The following HYCC1 variants were observed in gnomAD, a reference collection of about 807,000 sequenced individuals.
The protein encoded by HYCC1 is hyccin.
the HYCC1 span, among the ~76,000 whole-genome samples, chr7:22,993,497 T>C: frequency 6.6e-6 from 1 of 152,132 alleles, no homozygotes; most frequent in African/African-American, 2.4e-5. Flanking sequence ...GCAATTCATA[T>C]ACATGGCAAA....
At chr7:22,973,262 T>C in the HYCC1 span, among the ~76,000 whole-genome samples, 11 of 152,208 alleles carry the variant, frequency 7.2e-5, no homozygotes, top group Non-Finnish European at 1.5e-4. Flanking sequence ...TTTCTTTCCA[T>C]AGATATGAAC....
At chr7:22,907,225 C>G in the HYCC1 span, among the ~76,000 whole-genome samples, 1 of 149,084 alleles carries the variant, frequency 6.7e-6, no homozygotes, top group African/African-American at 2.5e-5. Context: ...GGTGTGAAAA[C>G]TTTCCCTTTC....
chr7:22,982,385 C>T, the HYCC1 span, among the ~76,000 whole-genome samples: 10 of 152,224 alleles, frequency 6.6e-5, no homozygotes, highest in East Asian at 7.7e-4. Flanking sequence ...ATTCATGATA[C>T]GCATTATAGT....
At chr7:22,924,396 C>G in the HYCC1 span, among the ~76,000 whole-genome samples, 1 of 152,070 alleles carries the variant, frequency 6.6e-6, no homozygotes, top group Non-Finnish European at 1.5e-5. Flanking sequence ...TTGCCTCACC[C>G]GGGAAACACA....
the HYCC1 span, among the ~76,000 whole-genome samples, chr7:22,958,036 A>G: frequency 6.6e-6 from 1 of 151,776 alleles, no homozygotes; most frequent in South Asian, 2.1e-4. Flanking sequence ...AATTAAATTT[A>G]AAAATCTATT....
At chr7:22,966,899 C>G in the HYCC1 span, among the ~76,000 whole-genome samples, 1 of 152,250 alleles carries the variant, frequency 6.6e-6, no homozygotes, top group East Asian at 1.9e-4. Flanking sequence ...TGAAATAAAA[C>G]AAACTCAAGT....
At chr7:22,931,425 T>C in the HYCC1 span, among the ~76,000 whole-genome samples, 3 of 152,208 alleles carry the variant, frequency 2.0e-5, no homozygotes, top group Non-Finnish European at 4.4e-5. Flanking sequence ...ACAGTACCCA[T>C]AGGAAACTAA....
chr7:22,935,865 T>A, the HYCC1 span: 1 of 148,820 alleles, frequency 6.7e-6, no homozygotes, highest in South Asian at 2.2e-4. Flanking sequence ...GCCAGGCTGG[T>A]CTTGAACTTC....
chr7:22,950,962 T>C, the HYCC1 span, among the ~76,000 whole-genome samples: 3 of 151,322 alleles, frequency 2.0e-5, no homozygotes, highest in African/African-American at 7.3e-5. Flanking sequence ...AAAAAGAAAC[T>C]TCTCAGGATA....
the HYCC1 span, among the ~76,000 whole-genome samples, chr7:23,003,244 T>C: frequency 1.3e-5 from 2 of 152,166 alleles, no homozygotes; most frequent in South Asian, 4.2e-4. Context: ...ATATCATCCA[T>C]TTATTCATAA....
At chr7:22,972,036 A>G in the HYCC1 span, among the ~76,000 whole-genome samples, 454 of 152,354 alleles carry the variant, frequency 3.0e-3, 2 homozygotes, top group African/African-American at 9.9e-3. Flanking sequence ...ACCTTATATC[A>G]GATATGCTCT....
At chr7:22,992,332 G>A in the HYCC1 span, among the ~76,000 whole-genome samples, 2 of 151,902 alleles carry the variant, frequency 1.3e-5, no homozygotes, top group East Asian at 1.9e-4. Context: ...TGGGTAATAC[G>A]CATTTTATTT....
At chr7:22,913,758 T>G in the HYCC1 span, among the ~76,000 whole-genome samples, 4 of 152,286 alleles carry the variant, frequency 2.6e-5, no homozygotes, top group East Asian at 3.9e-4. Context: ...CACCTACACC[T>G]AGGTGAAATA....
the HYCC1 span, chr7:22,960,426 A>C: frequency 6.2e-7 from 1 of 1,607,994 alleles, no homozygotes; most frequent in African/African-American, 1.3e-5. Context: ...CTAAGGAGAA[A>C]AAATATAGTT....
At chr7:23,002,080 C>T in the HYCC1 span, among the ~76,000 whole-genome samples, 1 of 147,302 alleles carries the variant, frequency 6.8e-6, no homozygotes, top group Admixed American at 6.8e-5. Context: ...CTGAACACAG[C>T]ACTACTTGAT....
the HYCC1 span, among the ~76,000 whole-genome samples, chr7:22,973,224 T>C: frequency 9.9e-5 from 15 of 152,208 alleles, no homozygotes; most frequent in African/African-American, 3.4e-4. Flanking sequence ...ATTTCTAACT[T>C]ACTTATCACC....
chr7:22,924,008 AAAAAAACCC>A, the HYCC1 span, among the ~76,000 whole-genome samples: 2 of 149,730 alleles, frequency 1.3e-5, no homozygotes, highest in African/African-American at 2.5e-5. Flanking sequence ...AAAAAAAAAA[AAAAAAACCC>A]AAAAAAACCC....
chr7:23,002,164 A>ATACAAT, the HYCC1 span, among the ~76,000 whole-genome samples: 724 of 26,138 alleles, frequency 0.028, 21 homozygotes, highest in African/African-American at 0.068. Context: ...ATATATATAT[A>ATACAAT]TATATATATA....
the HYCC1 span, among the ~76,000 whole-genome samples, chr7:23,010,247 A>G: frequency 6.4e-4 from 97 of 152,260 alleles, no homozygotes; most frequent in African/African-American, 2.2e-3. Flanking sequence ...TTACTAGCCA[A>G]AGCTCTGAAT....
Sources: gnomAD v4.1 joint callset for allele counts (sites outside exome capture counted in the v4.1 genomes callset) on GRCh38, gnomAD v4.1.1 for gene constraint, MANE v1.5 for transcripts, NCBI Gene and HGNC (gene_info 2026-07-23, HGNC 2026-07-21) for gene names.